Variants in LMLN observed in about 807,000 individuals in gnomAD.
LMLN encodes the protein leishmanolysin-like peptidase.
A neutral mutation model predicts 92.3 loss-of-function variants in LMLN; 70 were observed. The ratio of observed to expected loss-of-function variants is 0.76; its 90% CI spans 0.63 to 0.92. The LOEUF is 0.92. Among genes scored for constraint, LMLN ranks in the 40% least tolerant of loss-of-function variants. The pLI is 0.00. For missense variants in LMLN, 691 were observed against 814.6 expected (o/e 0.85, Z 1.85); for synonymous variants, 308 against 296.2 (o/e 1.04, Z -0.41).
chr3:198,025,485 C>T lies in LMLN; in HGVS notation c.1656+697C>T, dbSNP rs112632850. ...CTCCTGGGTTCAAGCGACCTTCCCA[C>T]CTCAGCCTCCTGAGGAGCTGGGACT... On this transcript the variant is annotated intron_variant, in intron 14 of 15. Transcript: ENST00000330198. The surrounding 1 kb of genome is among the most constrained non-coding windows in gnomAD (Gnocchi z 4.3). 0.064 allele frequency among the ~76,000 whole-genome samples: 9,803 copies of T among 152,154 alleles called. 374 individuals are homozygous for T. Among genetic ancestry groups the T allele is most frequent in the African/African-American group, 0.099 (4,107 of 41,510 alleles).
intron 1 of LMLN, among the ~76,000 whole-genome samples, chr3:197,964,484 G>A (rs1490972372): frequency 6.7e-6 from 1 of 149,798 alleles, no homozygotes; most frequent in Non-Finnish European, 1.5e-5. Flanking sequence ...GAGCAACCTC[G>A]GCTTCCTGGG....
At chr3:198,037,672 T>G (rs1723270850) in intron 15 of LMLN, among the ~76,000 whole-genome samples, 1 of 152,184 alleles carries the variant, frequency 6.6e-6, no homozygotes, top group South Asian at 2.1e-4. Context: ...CTTTATTGTT[T>G]AAAATATTTA....
intron 1 of LMLN, among the ~76,000 whole-genome samples, chr3:197,963,201 C>CT (rs59827521): frequency 0.36 from 51,171 of 143,968 alleles, 12,976 homozygotes; most frequent in African/African-American, 0.74. Context: ...TTTTCTCTCT[C>CT]TTTTTTTTTT....
chr3:198,021,696 C>T (rs1340369132), intron 13 of LMLN, 91 bp downstream of exon 14: 1 of 1,121,192 alleles, frequency 8.9e-7, no homozygotes, highest in Non-Finnish European at 1.3e-6. Context: ...GACCCTAGAG[C>T]AGGACTGTCT....
At chr3:197,960,528 T>C in intron 1 of LMLN, 88 bp downstream of exon 1, 1 of 1,308,008 alleles carries the variant, frequency 7.6e-7, no homozygotes, top group Non-Finnish European at 1.1e-6. Flanking sequence ...GGAGAAGGTG[T>C]CCTGGATGAG....
At chr3:198,024,497 G>A (rs1722871871) in intron 13 of LMLN, among the ~76,000 whole-genome samples, 161 bp from the exon 15 acceptor site, 1 of 152,168 alleles carries the variant, frequency 6.6e-6, no homozygotes, top group Admixed American at 6.5e-5. Context: ...TTACAGGCGT[G>A]AGCCACCGTG....
intron 1 of LMLN, among the ~76,000 whole-genome samples, chr3:197,967,804 T>C (rs1471554446): frequency 6.6e-6 from 1 of 152,166 alleles, no homozygotes; most frequent in African/African-American, 2.4e-5. Context: ...AGAGTGGCCA[T>C]TTATAGACCT....
intron 11 of LMLN, among the ~76,000 whole-genome samples, chr3:198,014,860 A>G (rs1262219490): frequency 1.6e-5 from 2 of 123,690 alleles, no homozygotes; most frequent in Admixed American, 1.6e-4. Flanking sequence ...AACTAGTCTG[A>G]CTTCTCTCCA....
At chr3:197,982,901 A>C (rs1384793055) in intron 6 of LMLN, among the ~76,000 whole-genome samples, 1 of 152,218 alleles carries the variant, frequency 6.6e-6, no homozygotes, top group African/African-American at 2.4e-5. Flanking sequence ...TTGTGAAGGC[A>C]GAAGCCATGT....
chr3:197,968,165 C>T (rs1331948200), intron 1 of LMLN, among the ~76,000 whole-genome samples: 6 of 152,178 alleles, frequency 3.9e-5, no homozygotes, highest in South Asian at 2.1e-4. Context: ...GTAAGACAGG[C>T]GTAAGAAGTT....
chr3:197,991,093 C>G (rs1244672308), intron 9 of LMLN, among the ~76,000 whole-genome samples: 1 of 149,110 alleles, frequency 6.7e-6, no homozygotes, highest in African/African-American at 2.5e-5. Flanking sequence ...TTCTTTTTTT[C>G]TTTTATTTTC....
chr3:198,036,845 T>C (rs1723248288), intron 15 of LMLN, among the ~76,000 whole-genome samples: 1 of 152,232 alleles, frequency 6.6e-6, no homozygotes, highest in Non-Finnish European at 1.5e-5. Context: ...TTATGAACAA[T>C]AAAAATCTTA....
chr3:198,006,930 C>T (rs1239576079), intron 11 of LMLN, among the ~76,000 whole-genome samples: 2 of 152,164 alleles, frequency 1.3e-5, no homozygotes, highest in African/African-American at 4.8e-5. Flanking sequence ...CCAGGCTGGT[C>T]TCGAACTCCT....
At chr3:197,971,670 C>T (rs749370637) in intron 1 of LMLN, among the ~76,000 whole-genome samples, 11 of 152,038 alleles carry the variant, frequency 7.2e-5, no homozygotes, top group Non-Finnish European at 1.5e-4. Context: ...CTGAAACCTC[C>T]GCCTCCCGGG....
At chr3:198,043,596 G>A (rs1373309179) in exon 16 of LMLN, 1 of 152,472 alleles carries the variant, frequency 6.6e-6, no homozygotes, top group East Asian at 1.9e-4. Flanking sequence ...GGGATGGAGT[G>A]GTTGTTTTAT....
chr3:198,020,768 A>ATTGTTTTTTTTTT lies in LMLN; in HGVS notation c.1366-676_1366-675insGTTTTTTTTTTTT, dbSNP rs1722756549. On this transcript the variant is annotated intron_variant, in intron 12 of 15. Transcript: ENST00000330198. ...GCCACCACACCCAGCTAATTTTTGT[A>ATTGTTTTTTTTTT]TTTTTTTTTTTTTTTTTTTTTTTTT... Among the ~76,000 whole-genome samples, 27 of 32,868 alleles carry ATTGTTTTTTTTTT rather than the reference A, an allele frequency of 8.2e-4. 1 individual carries two copies. The highest frequency in any genetic ancestry group is 3.0e-3 in the African/African-American group (25 of 8,332). The allele number at this position is 32,868 out of a possible 152,430, so 21.6% of individuals were successfully genotyped here.
chr3:197,979,145 C>G (rs925685283), intron 5 of LMLN, among the ~76,000 whole-genome samples: 4 of 152,332 alleles, frequency 2.6e-5, no homozygotes, highest in Non-Finnish European at 4.4e-5. Context: ...TCAGCTCCCA[C>G]TCCCTAAAGT....
chr3:197,977,484 G>A (rs1297599393), intron 5 of LMLN, among the ~76,000 whole-genome samples: 1 of 151,080 alleles, frequency 6.6e-6, no homozygotes, highest in East Asian at 1.9e-4. Context: ...CGTTAAATCT[G>A]GATACATATA....
intron 1 of LMLN, among the ~76,000 whole-genome samples, chr3:197,969,501 A>C (rs1721162744): frequency 2.6e-5 from 4 of 152,124 alleles, no homozygotes; most frequent in Admixed American, 2.6e-4. Context: ...TTTTTTCAAA[A>C]GTATTTGGGG....
Sources: gnomAD v4.1 joint callset for allele counts (sites outside exome capture counted in the v4.1 genomes callset) on GRCh38, gnomAD v4.1.1 for gene constraint, Gnocchi (gnomAD v3.1) non-coding constraint, MANE v1.5 for transcripts, NCBI Gene and HGNC (gene_info 2026-07-23, HGNC 2026-07-21) for gene names.